The following VPS50 variants were observed in gnomAD, a reference collection of about 807,000 sequenced individuals.
VPS50 encodes the protein syndetin.
A neutral mutation model predicts 139.7 loss-of-function variants in VPS50; 70 were observed. The ratio of observed to expected loss-of-function variants is 0.50; its 90% CI spans 0.41 to 0.61. The LOEUF is 0.61. VPS50 is among the 20% of genes least tolerant of loss of function. VPS50 has a pLI of 0.00. For missense variants in VPS50, 921 were observed against 1,133.7 expected, an observed-to-expected ratio of 0.81 and a Z score of 2.69; for synonymous variants, 365 against 376.7, an observed-to-expected ratio of 0.97 and a Z score of 0.36.
chr7:93,267,073 A>G (rs1431824449), intron 9 of VPS50, among the ~76,000 whole-genome samples: 1 of 152,194 alleles, frequency 6.6e-6, no homozygotes, highest in African/African-American at 2.4e-5. Context: ...AATTTCATAA[A>G]CCAACACTAA....
intron 16 of VPS50, among the ~76,000 whole-genome samples, chr7:93,301,873 CCTA>C (rs1304471197): frequency 2.0e-5 from 3 of 152,170 alleles, no homozygotes; most frequent in Admixed American, 6.5e-5. Flanking sequence ...ATTTTACATT[CCTA>C]CTAATACTGT....
intron 2 of VPS50, among the ~76,000 whole-genome samples, chr7:93,240,217 GCACACACACACACACACACA>G (rs371902647): frequency 1.4e-5 from 2 of 142,384 alleles, no homozygotes; most frequent in Non-Finnish European, 3.1e-5. Context: ...ATATGTGTAT[GCACACACACACACACACACA>G]CACACACACA....
At chr7:93,334,960 A>G (rs1295153187) in intron 22 of VPS50, among the ~76,000 whole-genome samples, 1 of 152,136 alleles carries the variant, frequency 6.6e-6, no homozygotes, top group Non-Finnish European at 1.5e-5. Flanking sequence ...CCTAACACAA[A>G]CAAGCAATCA....
At chr7:93,274,249 A>T (rs751636342) in intron 11 of VPS50, among the ~76,000 whole-genome samples, 2 of 152,142 alleles carry the variant, frequency 1.3e-5, no homozygotes, top group Admixed American at 1.3e-4. Context: ...ACAGCCTTCT[A>T]TTGGAAGAAG....
intron 2 of VPS50, among the ~76,000 whole-genome samples, chr7:93,245,843 G>C (rs985621679): frequency 6.6e-6 from 1 of 151,828 alleles, no homozygotes; most frequent in African/African-American, 2.4e-5. Context: ...GGGATTTTAG[G>C]AGAACGTGCC....
intron 13 of VPS50, among the ~76,000 whole-genome samples, chr7:93,293,602 T>C (rs2116942285): frequency 6.6e-6 from 1 of 152,322 alleles, no homozygotes; most frequent in Non-Finnish European, 1.5e-5. Flanking sequence ...AAATTGAAAA[T>C]TACTTTTCAT....
intron 20 of VPS50, among the ~76,000 whole-genome samples, chr7:93,319,199 A>T (rs1797526515): frequency 6.6e-6 from 1 of 152,250 alleles, no homozygotes; most frequent in African/African-American, 2.4e-5. Context: ...GTCACAGAAA[A>T]AAAACACAGT....
intron 17 of VPS50, 106 bp downstream of exon 17, chr7:93,303,656 T>C: frequency 2.0e-6 from 1 of 506,112 alleles, no homozygotes; most frequent in Non-Finnish European, 3.5e-6. Flanking sequence ...ATAAAATAAA[T>C]TAAGGAGCAG....
chr7:93,342,881 A>G, intron 23 of VPS50, among the ~76,000 whole-genome samples: 1 of 152,172 alleles, frequency 6.6e-6, no homozygotes, highest in Non-Finnish European at 1.5e-5. Context: ...AAAGATGGGG[A>G]AAAAAACAGA....
intron 22 of VPS50, among the ~76,000 whole-genome samples, chr7:93,340,236 T>G (rs1446418193): frequency 6.6e-6 from 1 of 152,206 alleles, no homozygotes; most frequent in Non-Finnish European, 1.5e-5. Flanking sequence ...ATGCCAGTAT[T>G]CTAAACAGCC....
chr7:93,284,131 C>T (rs966308627), intron 12 of VPS50, among the ~76,000 whole-genome samples: 1 of 152,140 alleles, frequency 6.6e-6, no homozygotes, highest in Non-Finnish European at 1.5e-5. Flanking sequence ...AAAGAGCCAA[C>T]CTATCTTTAT....
chr7:93,318,718 A>G (rs1023511947), intron 20 of VPS50, among the ~76,000 whole-genome samples: 11 of 152,288 alleles, frequency 7.2e-5, no homozygotes, highest in African/African-American at 9.6e-5. Context: ...AAAATCTTCA[A>G]TATAGGAGAA....
Position 93,301,320 on chromosome 7 carries a change from G to A in VPS50, c.1362-2140G>A, listed in dbSNP as rs536279058. Among the ~76,000 whole-genome samples the A allele has an allele frequency of 8.6e-5, 13 of 150,574 alleles. No individual in the cohort carries two copies. In the South Asian group the frequency reaches 1.3e-3, roughly 15 times the overall value. ...TTGAAAAAAAAAAAAAAAGAAATACGTTGTTGTAATGGTTACCACCAACAT... is the reference window on the plus strand; with the variant it reads ...TTGAAAAAAAAAAAAAAAGAAATACATTGTTGTAATGGTTACCACCAACAT... On this transcript the variant is annotated intron_variant, in intron 16 of 27. Transcript: ENST00000305866.
intron 9 of VPS50, among the ~76,000 whole-genome samples, chr7:93,263,080 C>T (rs1207521514): frequency 6.7e-6 from 1 of 150,242 alleles, no homozygotes; most frequent in Non-Finnish European, 1.5e-5. Context: ...GCTCTGTTTC[C>T]TCTGGTCTTC....
chr7:93,290,568 A>G (rs1796620136), intron 12 of VPS50, among the ~76,000 whole-genome samples: 2 of 151,876 alleles, frequency 1.3e-5, no homozygotes, highest in African/African-American at 2.4e-5. Flanking sequence ...TTTTTTGATC[A>G]GCACCTATTG....
intron 23 of VPS50, 66 bp from the exon 24 acceptor site, chr7:93,348,645 C>T (rs569813973): frequency 2.5e-5 from 26 of 1,056,186 alleles, no homozygotes; most frequent in East Asian, 4.8e-5. Flanking sequence ...AATACTTATA[C>T]GAAAGCATGA....
intron 9 of VPS50, among the ~76,000 whole-genome samples, chr7:93,267,519 G>T (rs559138976): frequency 6.6e-5 from 10 of 152,230 alleles, no homozygotes; most frequent in African/African-American, 2.4e-4. Context: ...TCTGAGTTAG[G>T]TAGTAAATTT....
At chr7:93,291,947 G>C (rs1796659570) in intron 13 of VPS50, 112 bp downstream of exon 13, 3 of 651,398 alleles carry the variant, frequency 4.6e-6, no homozygotes, top group Non-Finnish European at 7.4e-6. Context: ...AAAGATTACA[G>C]TGACCATAGG....
At chr7:93,247,233 A>T (rs1424597778) in intron 2 of VPS50, among the ~76,000 whole-genome samples, 1 of 151,860 alleles carries the variant, frequency 6.6e-6, no homozygotes, top group Non-Finnish European at 1.5e-5. Flanking sequence ...CCTGTTTTTG[A>T]TATAGCCTAA....
Sources: allele counts gnomAD v4.1 joint callset (sites outside exome capture counted in the v4.1 genomes callset), GRCh38; gene constraint gnomAD v4.1.1; transcripts MANE v1.5; gene names NCBI Gene and HGNC (gene_info 2026-07-23, HGNC 2026-07-21).